The following KCNIP1 variants were observed in gnomAD, a reference collection of about 807,000 sequenced individuals.
The protein encoded by KCNIP1 is potassium voltage-gated channel interacting protein 1.
KCNIP1 carries 18 observed loss-of-function variants against 33.0 expected under a neutral mutation model. The observed-to-expected ratio is 0.55, with a 90% CI of 0.38 to 0.81. KCNIP1 has a LOEUF of 0.81. Among genes scored for constraint, KCNIP1 ranks in the 30% least tolerant of loss-of-function variants. The pLI is 0.00. For missense variants in KCNIP1, 238 were observed against 271.6 expected, an observed-to-expected ratio of 0.88 and a Z score of 0.87; for synonymous variants, 93 against 98.3, an observed-to-expected ratio of 0.95 and a Z score of 0.32.
chr5:170,688,704 A>G (rs1039008667), intron 1 of KCNIP1, among the ~76,000 whole-genome samples: 4 of 152,218 alleles, frequency 2.6e-5, no homozygotes, highest in Non-Finnish European at 5.9e-5. Flanking sequence ...CAGCAGGTGA[A>G]GTCCCAAAAT....
intron 1 of KCNIP1, among the ~76,000 whole-genome samples, chr5:170,390,513 A>ATATATATATATATATATATATATAT (rs1554088932): frequency 3.5e-5 from 1 of 28,860 alleles, no homozygotes; most frequent in African/African-American, 1.5e-4. Context: ...AAAAAAAAAA[A>ATATATATATATATATATATATATAT]ACAAATATAT....
chr5:170,624,729 A>AGTGG (rs1404575551), intron 1 of KCNIP1, among the ~76,000 whole-genome samples: 1 of 44,914 alleles, frequency 2.2e-5, no homozygotes. Context: ...GAGACCGGGG[A>AGTGG]GGTGGGGGGG....
intron 1 of KCNIP1, among the ~76,000 whole-genome samples, chr5:170,516,729 C>T (rs571386548): frequency 1.4e-4 from 22 of 152,256 alleles, no homozygotes; most frequent in African/African-American, 5.1e-4. Context: ...CCTAGCTTAC[C>T]GTTTAGGAGC....
chr5:170,554,782 A>G (rs556488697), intron 1 of KCNIP1, among the ~76,000 whole-genome samples: 30 of 152,144 alleles, frequency 2.0e-4, no homozygotes, highest in African/African-American at 7.2e-4. Context: ...TGTATGTGTC[A>G]TGCTCTCCTT....
At chr5:170,364,073 G>A (rs113408190) in intron 1 of KCNIP1, among the ~76,000 whole-genome samples, 195 of 150,320 alleles carry the variant, frequency 1.3e-3, no homozygotes, top group African/African-American at 3.4e-3. Flanking sequence ...TCATCACAGC[G>A]CACTGCAGCT....
intron 5 of KCNIP1, among the ~76,000 whole-genome samples, chr5:170,729,605 T>C (rs1040508895): frequency 6.6e-6 from 1 of 151,974 alleles, no homozygotes; most frequent in Non-Finnish European, 1.5e-5. Context: ...AAATAGTTCA[T>C]GGGAAAATAA....
intron 1 of KCNIP1, among the ~76,000 whole-genome samples, chr5:170,446,813 T>C (rs1260598788): frequency 6.6e-6 from 1 of 152,126 alleles, no homozygotes; most frequent in African/African-American, 2.4e-5. Context: ...CAAATCTCCA[T>C]CTGTCCCCAG....
chr5:170,432,756 T>C (rs1213380984), intron 1 of KCNIP1, among the ~76,000 whole-genome samples: 1 of 152,248 alleles, frequency 6.6e-6, no homozygotes, highest in Non-Finnish European at 1.5e-5. Context: ...CATTTTGTTA[T>C]TATATCCTCG....
intron 1 of KCNIP1, chr5:170,385,405 G>A (rs368782999): frequency 2.4e-5 from 39 of 1,613,990 alleles, no homozygotes; most frequent in Admixed American, 1.0e-4. Flanking sequence ...CAAAGGGCTC[G>A]TGTCTCTCCC....
chr5:170,717,079 G>T (rs980537160), intron 1 of KCNIP1, among the ~76,000 whole-genome samples: 15 of 152,304 alleles, frequency 9.8e-5, no homozygotes, highest in African/African-American at 3.6e-4. Context: ...AGTTTCTTGT[G>T]AATATATGCA....
chr5:170,731,493 A>G (rs111305625), intron 5 of KCNIP1, among the ~76,000 whole-genome samples: 3,127 of 152,222 alleles, frequency 0.021, 113 homozygotes, highest in African/African-American at 0.071. Flanking sequence ...ACTTGAGTCC[A>G]AGAGTTTGAG....
intron 1 of KCNIP1, among the ~76,000 whole-genome samples, chr5:170,495,676 A>C (rs950867720): frequency 1.3e-5 from 2 of 152,184 alleles, no homozygotes; most frequent in Non-Finnish European, 2.9e-5. Context: ...CAGGCCTTTC[A>C]TCTCAAAATC....
intron 1 of KCNIP1, among the ~76,000 whole-genome samples, chr5:170,651,718 C>T (rs1761052745): frequency 6.6e-6 from 1 of 152,146 alleles, no homozygotes; most frequent in African/African-American, 2.4e-5. Context: ...AAAGAACATT[C>T]CTGGAGAGGC....
chr5:170,443,225 G>T (rs970426259), intron 1 of KCNIP1, among the ~76,000 whole-genome samples: 1 of 152,040 alleles, frequency 6.6e-6, no homozygotes. Flanking sequence ...ACATAAAAAT[G>T]GCTCATTCCC....
intron 1 of KCNIP1, among the ~76,000 whole-genome samples, chr5:170,606,754 C>T (rs374599991): frequency 3.3e-4 from 50 of 152,218 alleles, no homozygotes; most frequent in African/African-American, 1.1e-3. Flanking sequence ...CACACGGCCA[C>T]GCTCACAGCC....
intron 1 of KCNIP1, among the ~76,000 whole-genome samples, chr5:170,465,415 T>C (rs1756587655): frequency 6.6e-6 from 1 of 152,216 alleles, no homozygotes; most frequent in Non-Finnish European, 1.5e-5. Context: ...TTCCAAGCTG[T>C]TATTGCTCAA....
chr5:170,475,636 T>C (rs1756840611), intron 1 of KCNIP1, among the ~76,000 whole-genome samples: 1 of 152,228 alleles, frequency 6.6e-6, no homozygotes, highest in African/African-American at 2.4e-5. Flanking sequence ...TATCTTTCTG[T>C]TCTGGATGCT....
chr5:170,596,377 G>A (rs1480413873), intron 1 of KCNIP1, among the ~76,000 whole-genome samples: 1 of 152,200 alleles, frequency 6.6e-6, no homozygotes, highest in Non-Finnish European at 1.5e-5. Flanking sequence ...CAGGAGCTAA[G>A]GGAGAAACTC....
rs76006606 is a variant in KCNIP1, at chr5:170,446,355, G to A, written c.88+92391G>A. On this transcript the variant is annotated intron_variant, in intron 1 of 7. Transcript: ENST00000377360. ...TGGGCAAATTGCATCTTCTCTTTGA[G>A]AAGTCTGAGCTCAAGTCTTGCTTTG... Among the ~76,000 whole-genome samples the A allele has an allele frequency of 8.4e-3, 1,276 of 151,868 alleles. 9 individuals carry two copies. Among genetic ancestry groups the A allele is most frequent in the Middle Eastern group, 0.048 (14 of 294 alleles).
Sources: allele counts gnomAD v4.1 joint callset (sites outside exome capture counted in the v4.1 genomes callset), GRCh38; gene constraint gnomAD v4.1.1; transcripts MANE v1.5; gene names NCBI Gene and HGNC (gene_info 2026-07-23, HGNC 2026-07-21).